The following PRR16 variants were observed in gnomAD, a reference collection of about 807,000 sequenced individuals.
PRR16 encodes proline rich 16.
PRR16 carries 6 observed loss-of-function variants against 18.2 expected under a neutral mutation model. That is an observed-to-expected ratio of 0.33 (90% CI 0.18 to 0.65). The LOEUF (loss-of-function observed/expected upper bound fraction) is 0.65. Ranked by LOEUF, PRR16 falls within the 30% of genes least tolerant of loss-of-function variation. PRR16 has a pLI of 0.74. For synonymous variants in PRR16, 151 were observed against 147.8 expected, an observed-to-expected ratio of 1.02 and a Z score of -0.16; for missense variants, 412 against 376.6, an observed-to-expected ratio of 1.09 and a Z score of -0.78.
the PRR16 span, among the ~76,000 whole-genome samples, chr5:120,767,323 A>G: frequency 6.6e-6 from 1 of 151,936 alleles, no homozygotes. Flanking sequence ...GAAGTAGGCA[A>G]TATGTTTTGT....
At chr5:120,465,534 AG>A (rs1455845128) in intron 1 of PRR16, 1 of 152,452 alleles carries the variant, frequency 6.6e-6, no homozygotes, top group Non-Finnish European at 1.5e-5. Context: ...GGAAAGAAGC[AG>A]AGAAGGTGTC....
intron 1 of PRR16, among the ~76,000 whole-genome samples, chr5:120,480,288 G>T (rs543680463): frequency 6.6e-6 from 1 of 152,110 alleles, no homozygotes; most frequent in Non-Finnish European, 1.5e-5. Context: ...TTTAACATCT[G>T]CTTCCTGAAG....
the PRR16 span, among the ~76,000 whole-genome samples, chr5:120,747,573 G>A: frequency 3.2e-3 from 480 of 152,236 alleles, 3 homozygotes; most frequent in African/African-American, 7.6e-3. Flanking sequence ...AACATTGTGT[G>A]TTAACTAAGA....
the PRR16 span, among the ~76,000 whole-genome samples, chr5:120,767,637 C>A: frequency 6.6e-6 from 1 of 151,844 alleles, no homozygotes; most frequent in Non-Finnish European, 1.5e-5. Flanking sequence ...TTTGGAAGTA[C>A]TATTTCACAA....
At chr5:120,738,232 C>T in the PRR16 span, among the ~76,000 whole-genome samples, 1 of 151,988 alleles carries the variant, frequency 6.6e-6, no homozygotes, top group Middle Eastern at 3.2e-3. Flanking sequence ...ATCAGTAATA[C>T]ATCTATGGGG....
At chr5:120,514,589 CTCTTAAG>C (rs943366551) in intron 1 of PRR16, among the ~76,000 whole-genome samples, 1 of 152,198 alleles carries the variant, frequency 6.6e-6, no homozygotes, top group Non-Finnish European at 1.5e-5. Context: ...GATGTCCTAG[CTCTTAAG>C]TCTTAAGTTC....
At chr5:120,607,419 T>C (rs909885747) in intron 1 of PRR16, among the ~76,000 whole-genome samples, 4 of 152,228 alleles carry the variant, frequency 2.6e-5, no homozygotes, top group African/African-American at 9.6e-5. Context: ...TTTTCTCTTT[T>C]GGAGATAAAT....
At chr5:120,677,156 T>C (rs1756825112) in intron 1 of PRR16, among the ~76,000 whole-genome samples, 1 of 152,184 alleles carries the variant, frequency 6.6e-6, no homozygotes, top group African/African-American at 2.4e-5. Flanking sequence ...ATGAGGTGCT[T>C]ATTTTCATCC....
chr5:120,708,568 A>C, the PRR16 span, among the ~76,000 whole-genome samples: 1 of 152,192 alleles, frequency 6.6e-6, no homozygotes, highest in Non-Finnish European at 1.5e-5. Flanking sequence ...AAATTTTATT[A>C]ATGTTGAGGA....
chr5:120,586,368 A>G (rs927116224), intron 1 of PRR16, among the ~76,000 whole-genome samples: 2 of 152,204 alleles, frequency 1.3e-5, no homozygotes, highest in African/African-American at 4.8e-5. Context: ...ATTATCTTCT[A>G]AAGTAATACT....
downstream of PRR16, among the ~76,000 whole-genome samples, chr5:120,687,868 G>C (rs1757166060): frequency 6.6e-6 from 1 of 152,096 alleles, no homozygotes; most frequent in Non-Finnish European, 1.5e-5. Context: ...CCCACCCATG[G>C]TCCAAATTTA....
At chr5:120,719,717 A>G in the PRR16 span, among the ~76,000 whole-genome samples, 4 of 152,092 alleles carry the variant, frequency 2.6e-5, no homozygotes, top group Admixed American at 6.6e-5. Context: ...TAAATTTTCT[A>G]TTTGTAGAAA....
intron 1 of PRR16, among the ~76,000 whole-genome samples, chr5:120,616,843 A>C (rs1221918366): frequency 6.6e-6 from 1 of 152,148 alleles, no homozygotes; most frequent in Non-Finnish European, 1.5e-5. Flanking sequence ...TGATTGATTG[A>C]CTGATCAATA....
the PRR16 span, among the ~76,000 whole-genome samples, chr5:120,754,140 T>TATATAATATATAA: frequency 2.5e-5 from 1 of 40,708 alleles, no homozygotes; most frequent in East Asian, 9.8e-4. Flanking sequence ...TTCCGCTTAA[T>TATATAATATATAA]ATATAATATA....
intron 1 of PRR16, among the ~76,000 whole-genome samples, chr5:120,514,079 A>T (rs1412030224): frequency 6.6e-6 from 1 of 152,026 alleles, no homozygotes; most frequent in Admixed American, 6.6e-5. Flanking sequence ...ATTCATTATC[A>T]TATGCCCAGC....
chr5:120,772,241 C>T, the PRR16 span, among the ~76,000 whole-genome samples: 1 of 151,966 alleles, frequency 6.6e-6, no homozygotes, highest in Non-Finnish European at 1.5e-5. Context: ...TTCCAAAATC[C>T]TAAGATGTTT....
At chr5:120,679,823 G>A (rs1180251309) in intron 1 of PRR16, among the ~76,000 whole-genome samples, 2 of 152,064 alleles carry the variant, frequency 1.3e-5, no homozygotes, top group Admixed American at 6.5e-5. Context: ...AACAAAATCA[G>A]TGGTTACCAT....
chr5:120,598,584 T>C (rs193190189), intron 1 of PRR16, among the ~76,000 whole-genome samples: 2 of 152,014 alleles, frequency 1.3e-5, no homozygotes, highest in Admixed American at 1.3e-4. Flanking sequence ...CCTCCAACAC[T>C]GCCCCCTCTA....
chr5:120,737,547 A>G, the PRR16 span, among the ~76,000 whole-genome samples: 1 of 151,582 alleles, frequency 6.6e-6, no homozygotes, highest in South Asian at 2.1e-4. Flanking sequence ...TATTTTGTAC[A>G]TCTCTTCTTG....
Sources: gnomAD v4.1 joint callset for allele counts (sites outside exome capture counted in the v4.1 genomes callset) on GRCh38, gnomAD v4.1.1 for gene constraint, MANE v1.5 for transcripts, NCBI Gene and HGNC (gene_info 2026-07-23, HGNC 2026-07-21) for gene names.